DCAF17: variants seen among roughly 807,000 people sequenced by gnomAD.
DCAF17 encodes the protein DDB1 and CUL4 associated factor 17.
A neutral mutation model predicts 66.0 loss-of-function variants in DCAF17; 48 were observed. The observed-to-expected ratio is 0.73, with a 90% CI of 0.58 to 0.92. The LOEUF (loss-of-function observed/expected upper bound fraction) is 0.92. DCAF17 is among the 40% of genes least tolerant of loss of function. The pLI is 0.00. For synonymous variants in DCAF17, 206 were observed against 214.6 expected, an observed-to-expected ratio of 0.96 and a Z score of 0.35; for missense variants, 562 against 622.8, an observed-to-expected ratio of 0.90 and a Z score of 1.04.
intron 10 of DCAF17, among the ~76,000 whole-genome samples, chr2:171,475,765 A>T (rs1420225102): frequency 1.3e-5 from 2 of 152,202 alleles, no homozygotes; most frequent in African/African-American, 4.8e-5. Flanking sequence ...CCTGTCTCTT[A>T]AAAAATAAAA....
rs995843045 is a variant in DCAF17, at chr2:171,481,248, A to G, written c.*134A>G. ...AGTCTTGTGTTGACTTCAGATGACTATGACTTCTTTTTTAAACTCTTGCTG... is the reference window on the plus strand; with the variant it reads ...AGTCTTGTGTTGACTTCAGATGACTGTGACTTCTTTTTTAAACTCTTGCTG... On this transcript the variant is annotated 3_prime_UTR_variant, in exon 14 of 14. Coordinates refer to ENST00000375255, the MANE Select transcript of DCAF17 (RefSeq NM_025000.4). 7 of 1,095,194 alleles carry G rather than the reference A, an allele frequency of 6.4e-6. No homozygotes were observed. Among genetic ancestry groups the G allele is most frequent in the Non-Finnish European group, 9.6e-6 (7 of 726,002 alleles). 67.8% of individuals were successfully genotyped at this position (1,095,194 alleles called of 1,614,324 possible). A position where few individuals can be genotyped will look rare whatever the true frequency, so the allele number is the denominator to read the frequency against.
At chr2:171,449,580 T>A (rs1694829799) in intron 4 of DCAF17, among the ~76,000 whole-genome samples, 1 of 152,210 alleles carries the variant, frequency 6.6e-6, no homozygotes, top group African/African-American at 2.4e-5. Context: ...CTTTTTATAC[T>A]TCCATTTTAA....
At chr2:171,461,668 AT>A in intron 8 of DCAF17, among the ~76,000 whole-genome samples, 1 of 152,190 alleles carries the variant, frequency 6.6e-6, no homozygotes, top group Non-Finnish European at 1.5e-5. Flanking sequence ...TTGAGGTATA[AT>A]TTACATGTAA....
intron 5 of DCAF17, 199 bp downstream of exon 5, chr2:171,450,156 C>G (rs1215302717): frequency 5.8e-6 from 3 of 519,046 alleles, no homozygotes; most frequent in Non-Finnish European, 1.0e-5. Context: ...ATTGTATTTT[C>G]TCACTCATAA....
chr2:171,467,418 C>G (rs900461076), intron 8 of DCAF17, among the ~76,000 whole-genome samples: 1 of 152,012 alleles, frequency 6.6e-6, no homozygotes, highest in Non-Finnish European at 1.5e-5. Context: ...TGGCTGGGCA[C>G]AGTGGCTCAC....
At chr2:171,452,567 C>T (rs997666) in intron 5 of DCAF17, among the ~76,000 whole-genome samples, 51,767 of 151,994 alleles carry the variant, frequency 0.34, 9,812 homozygotes, top group East Asian at 0.63. Context: ...GCTCCTCTCA[C>T]GTCACCCTCC....
At position 171,483,989 on chromosome 2, in the gene DCAF17, A is replaced by C. The variant is rs1696851424; in HGVS notation, c.*2875A>C. 2.2e-6 allele frequency: 1 copy of C among 453,944 alleles called. No homozygotes were observed. The highest frequency in any genetic ancestry group is 4.4e-6 in the Non-Finnish European group (1 of 226,738). The allele number at this position is 453,944 out of a possible 1,614,324, so 28.1% of individuals were successfully genotyped here. A position where few individuals can be genotyped will look rare whatever the true frequency, so the allele number is the denominator to read the frequency against. ...ATACTAGATATGTAGGAAAGTGCTTAATAATCGTTTTTTACTGATGATTCA... is the reference window on the plus strand; with the variant it reads ...ATACTAGATATGTAGGAAAGTGCTTCATAATCGTTTTTTACTGATGATTCA... On this transcript the variant is annotated 3_prime_UTR_variant, in exon 14 of 14. Transcript: ENST00000375255.
chr2:171,437,206 G>T lies in DCAF17; in HGVS notation c.230+2020G>T, dbSNP rs528667092. Among the ~76,000 whole-genome samples, 6 of 152,152 alleles carry T rather than the reference G, an allele frequency of 3.9e-5. No individual in the cohort carries two copies. In the South Asian group the frequency reaches 8.3e-4, roughly 21 times the overall value. ...TTTGCTCCTAGGTTTTTTTCTAAAG[G>T]GTTTATAGTTTTAGCTCATATTTAG... On this transcript the variant is annotated intron_variant, in intron 2 of 13. Transcript: ENST00000375255.
chr2:171,465,567 T>G (rs1298118554), intron 8 of DCAF17, among the ~76,000 whole-genome samples: 1 of 152,134 alleles, frequency 6.6e-6, no homozygotes, highest in African/African-American at 2.4e-5. Flanking sequence ...GACTGCAACC[T>G]CCACTCCTTG....
rs1448396581 is a variant in DCAF17 at position 171,453,312 on chromosome 2, C to G, written c.627+99C>G. 3 of 904,768 alleles carry G rather than the reference C, an allele frequency of 3.3e-6. No individual in the cohort carries two copies. The East Asian group carries it at 8.2e-5, about 25-fold the overall frequency. The allele number at this position is 904,768 out of a possible 1,614,324, so 56.0% of individuals were successfully genotyped here. On this transcript the variant is annotated intron_variant, in intron 6 of 13. Coordinates refer to ENST00000375255, the MANE Select transcript of DCAF17 (RefSeq NM_025000.4). ...TGAGATATTTGATTGGAAATGCTCC[C>G]CTCACTATAAAAAGTTCACTAACTT...
intron 10 of DCAF17, 38 bp downstream of exon 10, chr2:171,474,013 C>T (rs1203705934): frequency 6.5e-7 from 1 of 1,531,368 alleles, no homozygotes; most frequent in Non-Finnish European, 9.0e-7. Flanking sequence ...TTAAGAGCAG[C>T]TTTTGGTAGC....
At chr2:171,444,646 T>G (rs1434045147) in intron 3 of DCAF17, among the ~76,000 whole-genome samples, 1 of 152,254 alleles carries the variant, frequency 6.6e-6, no homozygotes, top group Non-Finnish European at 1.5e-5. Context: ...CGACCTGTAT[T>G]TGTTTTCTAT....
intron 6 of DCAF17, among the ~76,000 whole-genome samples, 174 bp from the exon 7 acceptor site, chr2:171,457,797 C>A (rs1293063824): frequency 6.6e-6 from 1 of 152,184 alleles, no homozygotes; most frequent in Non-Finnish European, 1.5e-5. Context: ...GCTTACTGTT[C>A]ACTCCTAATA....
chr2:171,454,288 ATT>A (rs1205261547), intron 6 of DCAF17, among the ~76,000 whole-genome samples: 3 of 144,554 alleles, frequency 2.1e-5, no homozygotes, highest in African/African-American at 2.5e-5. Flanking sequence ...ATTATTATTA[ATT>A]TTTTTTTTTT....
intron 9 of DCAF17, among the ~76,000 whole-genome samples, chr2:171,472,162 C>T (rs559868985): frequency 3.4e-4 from 51 of 152,126 alleles, no homozygotes; most frequent in African/African-American, 1.1e-3. Context: ...TGGATTAGCA[C>T]GTCTATACTT....
At chr2:171,450,159 A>C in intron 5 of DCAF17, 4 of 510,552 alleles carry the variant, frequency 7.8e-6, no homozygotes, top group Non-Finnish European at 7.1e-6. Flanking sequence ...GTATTTTCTC[A>C]CTCATAAGTG....
At chr2:171,477,012 A>T in intron 11 of DCAF17, 62 bp downstream of exon 11, 1 of 1,249,348 alleles carries the variant, frequency 8.0e-7, no homozygotes, top group Non-Finnish European at 1.2e-6. Context: ...AGACTATAAT[A>T]TGCTAATATA....
At position 171,468,997 on chromosome 2, in the gene DCAF17, T is replaced by C; in HGVS notation, c.948T>C (p.Val316=). 6 of 1,614,098 alleles carry C rather than the reference T, an allele frequency of 3.7e-6. No homozygotes were observed. Among genetic ancestry groups the C allele is most frequent in the Non-Finnish European group, 5.1e-6 (6 of 1,180,004 alleles). ...VTPNKKKQKG[V]FHICALKDNS... ...CTAATAAGAAGAAACAGAAAGGAGT[T>C]TTCCATATTTGTGCCCTAAAAGACA... The change falls in exon 9 of 14, where the codon GTT becomes GTC. Residue 316 remains valine (V), a synonymous_variant. Transcript: ENST00000375255.
chr2:171,440,270 A>G (rs564722538), intron 2 of DCAF17, among the ~76,000 whole-genome samples: 1 of 152,278 alleles, frequency 6.6e-6, no homozygotes, highest in Non-Finnish European at 1.5e-5. Context: ...GTTGAGGGCT[A>G]TATATGATAT....
Sources: gnomAD v4.1 joint callset for allele counts (sites outside exome capture counted in the v4.1 genomes callset) on GRCh38, gnomAD v4.1.1 for gene constraint, MANE v1.5 for transcripts, NCBI Gene and HGNC (gene_info 2026-07-23, HGNC 2026-07-21) for gene names.